The following DOK6 variants were observed in gnomAD, a reference collection of about 807,000 sequenced individuals.
DOK6 encodes downstream of tyrosine kinase 6.
A neutral mutation model predicts 44.0 loss-of-function variants in DOK6; 22 were observed. The ratio of observed to expected loss-of-function variants is 0.50; its 90% CI spans 0.36 to 0.71. The LOEUF (loss-of-function observed/expected upper bound fraction) is 0.71. Ranked by LOEUF, DOK6 falls within the 30% of genes least tolerant of loss-of-function variation. The probability of loss-of-function intolerance (pLI) is 0.00; values close to 1 mark genes in which losing one functional copy is unlikely to be tolerated. For synonymous variants in DOK6, 166 were observed against 145.5 expected, an observed-to-expected ratio of 1.14 and a Z score of -1.01; for missense variants, 340 against 416.4, an observed-to-expected ratio of 0.82 and a Z score of 1.60.
chr18:69,445,665 A>G (rs1979264991), intron 1 of DOK6, among the ~76,000 whole-genome samples: 1 of 152,132 alleles, frequency 6.6e-6, no homozygotes, highest in Non-Finnish European at 1.5e-5. Context: ...GTTATTGTGT[A>G]TATATTCTTT....
chr18:69,631,518 T>C (rs1160952963), intron 3 of DOK6, among the ~76,000 whole-genome samples: 1 of 152,220 alleles, frequency 6.6e-6, no homozygotes, highest in Non-Finnish European at 1.5e-5. Context: ...AGCTGAGTCA[T>C]GTACAGTACA....
At chr18:69,534,893 T>C (rs1309429549) in intron 1 of DOK6, among the ~76,000 whole-genome samples, 3 of 152,158 alleles carry the variant, frequency 2.0e-5, no homozygotes, top group Non-Finnish European at 2.9e-5. Context: ...TTTGATTTTA[T>C]AAAGACTTTT....
intron 1 of DOK6, among the ~76,000 whole-genome samples, chr18:69,404,191 A>C (rs370965178): frequency 6.6e-6 from 1 of 152,190 alleles, no homozygotes; most frequent in Non-Finnish European, 1.5e-5. Context: ...TTCACAGATA[A>C]GTGCAATTTT....
At chr18:69,527,400 T>C (rs1353702233) in intron 1 of DOK6, among the ~76,000 whole-genome samples, 2 of 152,196 alleles carry the variant, frequency 1.3e-5, no homozygotes, top group African/African-American at 4.8e-5. Flanking sequence ...TCTTTTCACA[T>C]GGCAGCAGGA....
intron 7 of DOK6, among the ~76,000 whole-genome samples, chr18:69,810,509 C>T (rs1335647815): frequency 6.6e-6 from 1 of 151,912 alleles, no homozygotes; most frequent in Admixed American, 6.6e-5. Context: ...GCAAAGGAAA[C>T]AATCAACAGT....
chr18:69,665,821 G>C (rs1482491877), intron 3 of DOK6, among the ~76,000 whole-genome samples: 1 of 150,954 alleles, frequency 6.6e-6, no homozygotes, highest in Non-Finnish European at 1.5e-5. Context: ...TTTTCTAGAA[G>C]TACTTCTCTT....
At chr18:69,429,661 A>ATATATATC (rs1978749009) in intron 1 of DOK6, among the ~76,000 whole-genome samples, 1 of 103,126 alleles carries the variant, frequency 9.7e-6, no homozygotes, top group Non-Finnish European at 2.0e-5. Context: ...ATATATATAT[A>ATATATATC]TATCTTATTA....
chr18:69,514,592 A>G (rs1216808151), intron 1 of DOK6, among the ~76,000 whole-genome samples: 1 of 152,156 alleles, frequency 6.6e-6, no homozygotes, highest in Non-Finnish European at 1.5e-5. Flanking sequence ...GTTAACTATA[A>G]GCAAGTAGGT....
At chr18:69,677,687 A>G in intron 3 of DOK6, 47 bp from the exon 4 acceptor site, 1 of 1,609,880 alleles carries the variant, frequency 6.2e-7, no homozygotes, top group Non-Finnish European at 8.5e-7. Flanking sequence ...TTCTTCCATC[A>G]TTCCTAGGGA....
intron 2 of DOK6, among the ~76,000 whole-genome samples, chr18:69,571,958 T>C (rs1189060296): frequency 6.6e-6 from 1 of 152,048 alleles, no homozygotes; most frequent in East Asian, 1.9e-4. Context: ...CATGACATGG[T>C]CAACAAAGTA....
At chr18:69,707,668 A>G (rs1986664416) in intron 5 of DOK6, among the ~76,000 whole-genome samples, 1 of 152,208 alleles carries the variant, frequency 6.6e-6, no homozygotes, top group Admixed American at 6.5e-5. Flanking sequence ...TATCCTAGGC[A>G]ATTAGGACAA....
intron 5 of DOK6, among the ~76,000 whole-genome samples, chr18:69,729,482 C>T (rs1406416594): frequency 2.0e-5 from 3 of 150,762 alleles, no homozygotes; most frequent in South Asian, 2.1e-4. Flanking sequence ...TAACTGAAAT[C>T]AGCTTGACCA....
chr18:69,646,812 G>A (rs527710154), intron 3 of DOK6, among the ~76,000 whole-genome samples: 1 of 152,248 alleles, frequency 6.6e-6, no homozygotes, highest in East Asian at 1.9e-4. Flanking sequence ...AGTCAAGGAG[G>A]ATCTGTCCAT....
At chr18:69,755,530 A>T (rs908571954) in intron 6 of DOK6, among the ~76,000 whole-genome samples, 5 of 152,240 alleles carry the variant, frequency 3.3e-5, no homozygotes, top group Admixed American at 3.3e-4. Context: ...TTGAAGATTT[A>T]TGTGTTTAAT....
In DOK6 at chr18:69,698,648, A is replaced by G. The variant is rs1986446254; in HGVS notation, c.599+55A>G. 13 of 1,541,538 alleles carry G rather than the reference A, an allele frequency of 8.4e-6. No homozygotes were observed. In the Admixed American group the frequency reaches 2.5e-4, roughly 30 times the overall value. On this transcript the variant is annotated intron_variant, in intron 5 of 7. Coordinates refer to ENST00000382713, the MANE Select transcript of DOK6 (RefSeq NM_152721.6). ...GAGTTGTCTGTATAACAGAGTCTGT[A>G]TAACAGAGTCCTGAAAGAGAGTGCT...
intron 1 of DOK6, among the ~76,000 whole-genome samples, chr18:69,432,385 A>G (rs921065987): frequency 2.0e-5 from 3 of 152,220 alleles, no homozygotes; most frequent in Non-Finnish European, 4.4e-5. Context: ...TCAAGGCTGC[A>G]GTGAGCCGAG....
intron 7 of DOK6, among the ~76,000 whole-genome samples, chr18:69,811,412 A>G (rs1981221116): frequency 6.6e-6 from 1 of 151,602 alleles, no homozygotes; most frequent in Admixed American, 6.6e-5. Flanking sequence ...TATAGTTAAT[A>G]AAAATCTATT....
At chr18:69,726,059 G>C (rs1369131852) in intron 5 of DOK6, among the ~76,000 whole-genome samples, 1 of 152,192 alleles carries the variant, frequency 6.6e-6, no homozygotes, top group African/African-American at 2.4e-5. Context: ...AAGTTATCAG[G>C]AAAATGCAGT....
chr18:69,495,589 C>G (rs543398768), intron 1 of DOK6, among the ~76,000 whole-genome samples: 1 of 152,124 alleles, frequency 6.6e-6, no homozygotes, highest in Non-Finnish European at 1.5e-5. Flanking sequence ...CAGCTATAGG[C>G]GGGCCCAGAA....
Sources: gnomAD v4.1 joint callset for allele counts (sites outside exome capture counted in the v4.1 genomes callset) on GRCh38, gnomAD v4.1.1 for gene constraint, MANE v1.5 for transcripts, NCBI Gene and HGNC (gene_info 2026-07-23, HGNC 2026-07-21) for gene names.